The following RFX4 variants were observed in gnomAD, a reference collection of about 807,000 sequenced individuals.
The protein encoded by RFX4 is regulatory factor X4.
A neutral mutation model predicts 95.0 loss-of-function variants in RFX4; 10 were observed. The observed-to-expected ratio is 0.11, with a 90% CI of 0.06 to 0.18. The LOEUF is 0.18. Ranked by LOEUF, RFX4 falls within the 10% of genes least tolerant of loss-of-function variation. The pLI, the probability that RFX4 is intolerant of heterozygous loss-of-function variation, is 1.00. For synonymous variants in RFX4, 321 were observed against 340.7 expected (o/e 0.94, Z 0.64); for missense variants, 640 against 922.0 (o/e 0.69, Z 3.96).
intron 4 of RFX4, among the ~76,000 whole-genome samples, chr12:106,675,855 C>T (rs979844331): frequency 2.0e-5 from 3 of 152,122 alleles, no homozygotes; most frequent in African/African-American, 7.2e-5. Context: ...AGTTCCATTC[C>T]GTATGGCCGG....
intron 2 of RFX4, among the ~76,000 whole-genome samples, chr12:106,637,154 C>T (rs943880966): frequency 9.2e-5 from 14 of 152,116 alleles, no homozygotes; most frequent in Non-Finnish European, 1.3e-4. Context: ...AATGAATCAA[C>T]ATTCACCTTT....
intron 1 of RFX4, among the ~76,000 whole-genome samples, chr12:106,601,615 T>A (rs529926182): frequency 1.3e-5 from 2 of 152,242 alleles, no homozygotes; most frequent in African/African-American, 4.8e-5. Context: ...AGGACCTCCC[T>A]GTTCTCATCC....
chr12:106,759,236 G>T (rs572128068), intron 17 of RFX4, among the ~76,000 whole-genome samples: 1 of 152,314 alleles, frequency 6.6e-6, no homozygotes, highest in Admixed American at 6.5e-5. Flanking sequence ...CATGGCAGGA[G>T]CCAGGGGTAG....
In RFX4 at chr12:106,684,393, C is replaced by A. The variant is rs192183187; in HGVS notation, c.377+2339C>A. Among the ~76,000 whole-genome samples, 4 of 152,186 alleles carry A rather than the reference C, an allele frequency of 2.6e-5. No individual in the cohort carries two copies. The East Asian group carries it at 7.7e-4, about 29-fold the overall frequency. On this transcript the variant is annotated intron_variant, in intron 5 of 17. Transcript: ENST00000392842. ...AAAAAAGCACATTCTGCACATGTAT[C>A]CCCTGCCTTTTTTTAGAAGAAATTA...
At chr12:106,653,516 A>G (rs2040895695) in intron 3 of RFX4, among the ~76,000 whole-genome samples, 1 of 152,226 alleles carries the variant, frequency 6.6e-6, no homozygotes, top group Admixed American at 6.5e-5. Context: ...AAGGTCACCA[A>G]GCCAGCAAGT....
intron 13 of RFX4, among the ~76,000 whole-genome samples, chr12:106,724,895 T>C (rs2042462332): frequency 6.6e-6 from 1 of 151,698 alleles, no homozygotes; most frequent in African/African-American, 2.4e-5. Flanking sequence ...GCCTATAATC[T>C]TAGCTACTCG....
Position 106,720,785 on chromosome 12 carries a change from G to T in RFX4, c.1260G>T (p.Leu420Phe). The change falls in exon 13 of 18, where the codon TTG becomes TTT. Residue 420 changes from leucine to phenylalanine, a missense_variant. This residue lies in a region of RFX4 where 72 missense variants were observed against 80.5 expected (regional missense o/e 0.89). Transcript: ENST00000392842. This position sits in a 1 kb window ranked among gnomAD's most constrained non-coding sequence, Gnocchi z 4.2. ...TGGCTGCCAAGAGACAAGGGTCCTT[G>T]AAGAAAGTGGCCCAGCAGTTCCTCT... ...VKVAAKRQGS[L>F]KKVAQQFLLM... 6.2e-7 allele frequency: 1 copy of T among 1,613,988 alleles called. No individual in the cohort carries two copies. Among genetic ancestry groups the T allele is most frequent in the African/African-American group, 1.3e-5 (1 of 75,052 alleles).
intron 6 of RFX4, among the ~76,000 whole-genome samples, chr12:106,688,215 G>T (rs995574040): frequency 1.3e-5 from 2 of 151,732 alleles, no homozygotes; most frequent in Non-Finnish European, 2.9e-5. Context: ...GATTACAGGC[G>T]CCCGCCATCA....
intron 15 of RFX4, among the ~76,000 whole-genome samples, chr12:106,739,554 C>T (rs545271670): frequency 2.6e-4 from 40 of 152,218 alleles, no homozygotes; most frequent in African/African-American, 7.7e-4. Flanking sequence ...TCTGTAGCTA[C>T]GTCTAGTTCC....
intron 4 of RFX4, among the ~76,000 whole-genome samples, chr12:106,677,201 T>G (rs1251887956): frequency 6.6e-6 from 1 of 152,170 alleles, no homozygotes; most frequent in African/African-American, 2.4e-5. Flanking sequence ...TACCACTGTT[T>G]CCCAATTCAC....
intron 17 of RFX4, among the ~76,000 whole-genome samples, chr12:106,757,152 C>G (rs2043123368): frequency 1.3e-5 from 2 of 152,196 alleles, no homozygotes. Flanking sequence ...CTAAAAAGAA[C>G]ATTAATAACA....
rs1026883589 is a variant in RFX4 at position 106,756,451 on chromosome 12, T to A, written c.1936-4746T>A. Among the ~76,000 whole-genome samples the A allele has an allele frequency of 4.6e-5, 7 of 152,278 alleles. No individual in the cohort carries two copies. The East Asian group carries it at 7.7e-4, about 17-fold the overall frequency. On this transcript the variant is annotated intron_variant, in intron 17 of 17. Transcript: ENST00000392842. ...GCAGAGGCCCAGCCTTATCAGCTAA[T>A]CACCCCCTCTCACAGAATCTTCAGC...
chr12:106,724,828 A>G (rs148622466), intron 13 of RFX4, among the ~76,000 whole-genome samples: 422 of 152,230 alleles, frequency 2.8e-3, no homozygotes, highest in Middle Eastern at 0.01. Context: ...CCTGGACAAC[A>G]TGGTGAAACC....
chr12:106,716,297 G>A (rs10746065), intron 11 of RFX4, among the ~76,000 whole-genome samples: 31,154 of 151,982 alleles, frequency 0.2, 3,503 homozygotes, highest in South Asian at 0.28. Flanking sequence ...AAGGTGTTGA[G>A]AGCATGCATT....
chr12:106,734,134 C>T (rs1297041578), intron 15 of RFX4, among the ~76,000 whole-genome samples: 2 of 151,988 alleles, frequency 1.3e-5, no homozygotes, highest in Non-Finnish European at 2.9e-5. Flanking sequence ...GTCACAGACA[C>T]AGTGAATGGA....
chr12:106,634,311 A>G (rs1046495460), intron 2 of RFX4, among the ~76,000 whole-genome samples: 1 of 152,072 alleles, frequency 6.6e-6, no homozygotes, highest in Non-Finnish European at 1.5e-5. Flanking sequence ...GTCCTTGGTG[A>G]TGCCATTGTC....
At chr12:106,739,154 A>AGAAAGAAAGAAAGAAAGAAAG (rs2042763633) in intron 15 of RFX4, among the ~76,000 whole-genome samples, 1 of 152,106 alleles carries the variant, frequency 6.6e-6, no homozygotes, top group Non-Finnish European at 1.5e-5. Flanking sequence ...AAAGAAAGAA[A>AGAAAGAAAGAAAGAAAGAAAG]AGGTGAGGAA....
At chr12:106,750,521 G>T in intron 16 of RFX4, 134 bp from the exon 17 acceptor site, 1 of 872,986 alleles carries the variant, frequency 1.1e-6, no homozygotes, top group Non-Finnish European at 1.6e-6. Context: ...ATGGGATTGG[G>T]GGTGAAGGGG....
At chr12:106,731,551 T>A (rs1169550784) in intron 13 of RFX4, among the ~76,000 whole-genome samples, 4 of 152,208 alleles carry the variant, frequency 2.6e-5, no homozygotes, top group Non-Finnish European at 5.9e-5. Context: ...ATGAATTACC[T>A]TTTCTAAGAA....
Sources: allele counts gnomAD v4.1 joint callset (sites outside exome capture counted in the v4.1 genomes callset), GRCh38; gene constraint gnomAD v4.1.1; regional missense constraint gnomAD v4.1.1; non-coding constraint Gnocchi (gnomAD v3.1); transcripts MANE v1.5; gene names NCBI Gene and HGNC (gene_info 2026-07-23, HGNC 2026-07-21).